Variants in ZBTB7C observed in about 807,000 individuals in gnomAD.
The protein encoded by ZBTB7C is zinc finger and BTB domain-containing protein 7C.
In ZBTB7C, 8 loss-of-function variants were observed where a neutral mutation model predicts 25.7. That is an observed-to-expected ratio of 0.31 (90% CI 0.18 to 0.56). The LOEUF is 0.56. ZBTB7C is among the 20% of genes least tolerant of loss of function. ZBTB7C has a pLI of 0.91. For missense variants in ZBTB7C, 824 were observed against 855.2 expected (o/e 0.96, Z 0.46); for synonymous variants, 394 against 369.0 (o/e 1.07, Z -0.78).
intron 1 of ZBTB7C, among the ~76,000 whole-genome samples, chr18:48,369,391 G>C (rs2047333771): frequency 6.6e-6 from 1 of 151,802 alleles, no homozygotes; most frequent in Non-Finnish European, 1.5e-5. Context: ...GAAAGACAGA[G>C]AGAATAGATA....
intron 3 of ZBTB7C, among the ~76,000 whole-genome samples, chr18:48,153,888 G>A (rs1168775883): frequency 6.6e-6 from 1 of 152,186 alleles, no homozygotes; most frequent in African/African-American, 2.4e-5. Context: ...TCAGGGTTTT[G>A]AACTTGGTTC....
intron 2 of ZBTB7C, among the ~76,000 whole-genome samples, chr18:48,256,102 T>C (rs1456380785): frequency 1.1e-4 from 16 of 151,902 alleles, no homozygotes; most frequent in South Asian, 6.2e-4. Context: ...GAAAAGATAA[T>C]AGCCAAAAAA....
chr18:48,291,856 C>T (rs2045238769), intron 2 of ZBTB7C, among the ~76,000 whole-genome samples: 1 of 152,064 alleles, frequency 6.6e-6, no homozygotes, highest in Non-Finnish European at 1.5e-5. Context: ...TGTAGAACAC[C>T]AGATCTCTGC....
chr18:48,195,943 C>T (rs2042308342), intron 2 of ZBTB7C, among the ~76,000 whole-genome samples: 1 of 152,018 alleles, frequency 6.6e-6, no homozygotes, highest in African/African-American at 2.4e-5. Flanking sequence ...ATAGCAAGTT[C>T]CACTGGCATA....
At chr18:48,158,570 T>C (rs1342413923) in intron 3 of ZBTB7C, among the ~76,000 whole-genome samples, 1 of 151,924 alleles carries the variant, frequency 6.6e-6, no homozygotes, top group Non-Finnish European at 1.5e-5. Flanking sequence ...CATCTGTGAG[T>C]TTGGAGGAAG....
chr18:48,330,719 G>C (rs2046324839), intron 2 of ZBTB7C, among the ~76,000 whole-genome samples: 4 of 151,956 alleles, frequency 2.6e-5, no homozygotes, highest in Admixed American at 2.0e-4. Flanking sequence ...AGTAATCCCA[G>C]CCTTGCTGGG....
chr18:48,154,013 G>C lies in ZBTB7C; in HGVS notation c.-17+31921C>G, dbSNP rs1332126250. Among the ~76,000 whole-genome samples, 3 of 152,294 alleles carry C rather than the reference G, an allele frequency of 2.0e-5. No homozygotes were observed. The East Asian group carries it at 5.8e-4, about 29-fold the overall frequency. ...CTCAGGGTCATGGCTGGGAAACTCG[G>C]AAAGGGAGGTCTCTGAAAGCTATGT... On this transcript the variant is annotated intron_variant, in intron 3 of 4. Coordinates refer to ENST00000590800, the MANE Select transcript of ZBTB7C (RefSeq NM_001318841.2).
chr18:48,289,074 G>A (rs566945791), intron 2 of ZBTB7C, among the ~76,000 whole-genome samples: 54 of 152,240 alleles, frequency 3.5e-4, no homozygotes, highest in South Asian at 1.9e-3. Context: ...TATGCACAAC[G>A]CGAAACCACT....
chr18:48,098,663 GT>G (rs1196615112), intron 3 of ZBTB7C, among the ~76,000 whole-genome samples: 1 of 152,162 alleles, frequency 6.6e-6, no homozygotes, highest in African/African-American at 2.4e-5. Flanking sequence ...TTCATATCTG[GT>G]TCCTGGGATG....
chr18:48,404,390 G>A (rs994114306), intron 1 of ZBTB7C, among the ~76,000 whole-genome samples: 1 of 152,222 alleles, frequency 6.6e-6, no homozygotes, highest in African/African-American at 2.4e-5. Flanking sequence ...GAAACAAAAA[G>A]GAGGTGGAAG....
At chr18:48,053,191 A>T (rs1167098545) in intron 3 of ZBTB7C, among the ~76,000 whole-genome samples, 1 of 152,196 alleles carries the variant, frequency 6.6e-6, no homozygotes, top group African/African-American at 2.4e-5. Context: ...GGCAGCTTCC[A>T]TGTCTGTCTT....
intron 1 of ZBTB7C, among the ~76,000 whole-genome samples, chr18:48,389,234 CTCGTGTGTGTGTGT>C (rs2047833066): frequency 3.6e-5 from 2 of 55,188 alleles, no homozygotes; most frequent in African/African-American, 1.5e-4. Context: ...CTCTCTCTCT[CTCGTGTGTGTGTGT>C]GTGTGTGTGT....
At chr18:48,384,507 G>A (rs927770509) in intron 1 of ZBTB7C, among the ~76,000 whole-genome samples, 12 of 152,210 alleles carry the variant, frequency 7.9e-5, no homozygotes, top group Admixed American at 1.3e-4. Context: ...TGGTTAGAAA[G>A]TTGGGAGAGG....
intron 4 of ZBTB7C, among the ~76,000 whole-genome samples, chr18:48,036,331 CT>C (rs1266022784): frequency 6.6e-6 from 1 of 152,220 alleles, no homozygotes; most frequent in Non-Finnish European, 1.5e-5. Context: ...TGTCCTCCCC[CT>C]GGGTTGTGGC....
At chr18:48,394,687 A>G (rs1359334374) in intron 1 of ZBTB7C, among the ~76,000 whole-genome samples, 1 of 152,170 alleles carries the variant, frequency 6.6e-6, no homozygotes, top group East Asian at 1.9e-4. Flanking sequence ...AAAAATTACA[A>G]GGCTAATACA....
chr18:48,185,419 C>T (rs1273423684), intron 3 of ZBTB7C: 3 of 356,314 alleles, frequency 8.4e-6, no homozygotes, highest in Non-Finnish European at 1.1e-5. Context: ...TGCTGCTTCT[C>T]GTGGATTTCC....
intron 3 of ZBTB7C, among the ~76,000 whole-genome samples, chr18:48,058,193 C>T (rs1338834706): frequency 6.6e-6 from 1 of 152,172 alleles, no homozygotes; most frequent in Non-Finnish European, 1.5e-5. Flanking sequence ...TATAGTAACT[C>T]ATTTGTTATT....
At chr18:48,134,197 T>C (rs1352361450) in intron 3 of ZBTB7C, among the ~76,000 whole-genome samples, 1 of 151,662 alleles carries the variant, frequency 6.6e-6, no homozygotes, top group South Asian at 2.1e-4. Flanking sequence ...ATCACTCAGA[T>C]GGGTAATAGT....
At chr18:48,359,264 G>A (rs1398973513) in intron 1 of ZBTB7C, among the ~76,000 whole-genome samples, 1 of 152,092 alleles carries the variant, frequency 6.6e-6, no homozygotes, top group Non-Finnish European at 1.5e-5. Flanking sequence ...CCATGAGAAG[G>A]AGAAATTTTT....
Sources: allele counts gnomAD v4.1 joint callset (sites outside exome capture counted in the v4.1 genomes callset), GRCh38; gene constraint gnomAD v4.1.1; transcripts MANE v1.5; gene names NCBI Gene and HGNC (gene_info 2026-07-23, HGNC 2026-07-21).